Variants in RBFOX1 observed in about 807,000 individuals in gnomAD.
The protein encoded by RBFOX1 is RNA binding protein fox-1 homolog 1.
In RBFOX1, 8 loss-of-function variants were observed where a neutral mutation model predicts 57.7. That is an observed-to-expected ratio of 0.14 (90% CI 0.08 to 0.25). The LOEUF (loss-of-function observed/expected upper bound fraction) is 0.25, where lower values mean the gene tolerates loss of function less well. RBFOX1 is among the 10% of genes least tolerant of loss of function. The probability of loss-of-function intolerance (pLI) is 1.00; values close to 1 mark genes in which losing one functional copy is unlikely to be tolerated. For synonymous variants in RBFOX1, 326 were observed against 222.4 expected (o/e 1.47, Z -4.15); for missense variants, 611 against 548.5 (o/e 1.11, Z -1.14).
chr16:7,069,971 C>A (rs1366589859), intron 4 of RBFOX1, among the ~76,000 whole-genome samples: 5 of 152,184 alleles, frequency 3.3e-5, no homozygotes, highest in Non-Finnish European at 7.3e-5. Context: ...CTAATAATTC[C>A]ATCAAGTAAG....
At chr16:7,186,539 CATATTTATATAAATATAA>C (rs2083864512) in intron 4 of RBFOX1, among the ~76,000 whole-genome samples, 1 of 57,262 alleles carries the variant, frequency 1.7e-5, no homozygotes, top group Non-Finnish European at 4.4e-5. Context: ...TAAGCATAAA[CATATTTATATAAATATAA>C]GCTTAAACAT....
At chr16:6,798,876 C>G (rs997508574) in intron 3 of RBFOX1, among the ~76,000 whole-genome samples, 1 of 152,056 alleles carries the variant, frequency 6.6e-6, no homozygotes. Context: ...GAACTGATGA[C>G]TCTTCCTTTC....
chr16:6,197,627 G>T (rs2097188750), intron 1 of RBFOX1, among the ~76,000 whole-genome samples: 1 of 146,496 alleles, frequency 6.8e-6, no homozygotes, highest in African/African-American at 2.4e-5. Context: ...GGTGCACAAT[G>T]AGTTTCTTTT....
chr16:5,869,696 C>T (rs1003295482), intron 4 of RBFOX1, among the ~76,000 whole-genome samples: 1 of 152,180 alleles, frequency 6.6e-6, no homozygotes, highest in Non-Finnish European at 1.5e-5. Context: ...AGCCACCGCG[C>T]CCGGCTGTTC....
At chr16:6,135,603 C>G (rs559991486) in intron 1 of RBFOX1, among the ~76,000 whole-genome samples, 4 of 151,606 alleles carry the variant, frequency 2.6e-5, no homozygotes, top group Admixed American at 2.6e-4. Context: ...AAAAGTATGA[C>G]TTAAATCATT....
intron 3 of RBFOX1, among the ~76,000 whole-genome samples, chr16:6,950,851 C>G (rs1013864507): frequency 7.2e-5 from 11 of 151,996 alleles, no homozygotes; most frequent in African/African-American, 2.4e-4. Context: ...TTTTTTCTTT[C>G]TTTCTCTGTT....
At chr16:7,467,784 G>C (rs2060799891) in intron 4 of RBFOX1, among the ~76,000 whole-genome samples, 1 of 152,150 alleles carries the variant, frequency 6.6e-6, no homozygotes, top group Non-Finnish European at 1.5e-5. Flanking sequence ...CATCTCTTTG[G>C]AAATTACTTT....
At chr16:5,546,400 C>T (rs1006579794) in intron 2 of RBFOX1, among the ~76,000 whole-genome samples, 2 of 152,140 alleles carry the variant, frequency 1.3e-5, no homozygotes, top group African/African-American at 4.8e-5. Flanking sequence ...AGAGGGCTAA[C>T]ATGATCTGAT....
chr16:6,736,390 C>T (rs1346751104), intron 3 of RBFOX1, among the ~76,000 whole-genome samples: 1 of 152,130 alleles, frequency 6.6e-6, no homozygotes, highest in Non-Finnish European at 1.5e-5. Context: ...TCCCACATAT[C>T]AGTGAGAAAA....
chr16:5,605,403 G>T (rs1283673011), intron 3 of RBFOX1, among the ~76,000 whole-genome samples: 2 of 152,234 alleles, frequency 1.3e-5, no homozygotes, highest in African/African-American at 4.8e-5. Context: ...GTTAGACCCA[G>T]TCCCAGGTCA....
intron 4 of RBFOX1, among the ~76,000 whole-genome samples, chr16:7,278,294 C>T (rs996970741): frequency 4.6e-5 from 7 of 152,094 alleles, no homozygotes; most frequent in African/African-American, 1.2e-4. Context: ...ACATGTGTTC[C>T]GTAATGCTTA....
At chr16:7,054,418 CT>C (rs1267268057) in intron 4 of RBFOX1, among the ~76,000 whole-genome samples, 1 of 150,998 alleles carries the variant, frequency 6.6e-6, no homozygotes, top group East Asian at 2.0e-4. Context: ...TTTTTTTGTA[CT>C]TTTAGCAGAG....
At chr16:6,962,221 C>T (rs1598470844) in intron 3 of RBFOX1, among the ~76,000 whole-genome samples, 1 of 152,088 alleles carries the variant, frequency 6.6e-6, no homozygotes, top group African/African-American at 2.4e-5. Context: ...TTGCACATGG[C>T]CTTCTTTCCT....
At chr16:5,944,800 A>AAAAAAAAAAAAAAAAAAAAAAAAAT in intron 4 of RBFOX1, among the ~76,000 whole-genome samples, 1 of 138,566 alleles carries the variant, frequency 7.2e-6, no homozygotes, top group Non-Finnish European at 1.5e-5. Context: ...TAAAAAAAAA[A>AAAAAAAAAAAAAAAAAAAAAAAAAT]AAAAAAAAAT....
intron 11 of RBFOX1, among the ~76,000 whole-genome samples, chr16:7,651,783 C>A (rs1248334919): frequency 6.6e-6 from 1 of 152,152 alleles, no homozygotes; most frequent in Admixed American, 6.6e-5. Flanking sequence ...TCATGGTGGG[C>A]CTTTTGAGCC....
At chr16:6,466,763 C>A (rs968252373) in intron 2 of RBFOX1, among the ~76,000 whole-genome samples, 11 of 152,072 alleles carry the variant, frequency 7.2e-5, no homozygotes, top group African/African-American at 2.4e-4. Flanking sequence ...GCATGCTGTT[C>A]AATGTGGACA....
At chr16:6,018,305 A>G (rs1460630791), upstream of RBFOX1, among the ~76,000 whole-genome samples, 1 of 152,160 alleles carries the variant, frequency 6.6e-6, no homozygotes, top group Non-Finnish European at 1.5e-5. Context: ...TATTGCTTTA[A>G]TCTCTCTAAG....
chr16:7,259,464 G>C (rs1248425819), intron 4 of RBFOX1, among the ~76,000 whole-genome samples: 1 of 151,052 alleles, frequency 6.6e-6, no homozygotes, highest in African/African-American at 2.4e-5. Flanking sequence ...ATAAAATATT[G>C]CAGCCATTTG....
chr16:7,478,404 G>A (rs113241043), intron 4 of RBFOX1, among the ~76,000 whole-genome samples: 3 of 152,338 alleles, frequency 2.0e-5, no homozygotes, highest in African/African-American at 7.2e-5. Context: ...AGGGAGTGAG[G>A]AGTGGGAGGA....
Sources: allele counts gnomAD v4.1 joint callset (sites outside exome capture counted in the v4.1 genomes callset), GRCh38; gene constraint gnomAD v4.1.1; transcripts MANE v1.5; gene names NCBI Gene and HGNC (gene_info 2026-07-23, HGNC 2026-07-21).